Variants in KIAA1549L observed in about 807,000 individuals in gnomAD.
KIAA1549L encodes KIAA1549 like.
KIAA1549L carries 88 observed loss-of-function variants against 160.7 expected under a neutral mutation model. The ratio of observed to expected loss-of-function variants is 0.55; its 90% CI spans 0.46 to 0.65. The LOEUF is 0.65. Ranked by LOEUF, KIAA1549L falls within the 30% of genes least tolerant of loss-of-function variation. The probability of loss-of-function intolerance (pLI) is 0.00; values close to 1 mark genes in which losing one functional copy is unlikely to be tolerated. For missense variants in KIAA1549L, 2,258 were observed against 2,437.5 expected (o/e 0.93, Z 1.55); for synonymous variants, 950 against 976.7 (o/e 0.97, Z 0.51).
intron 1 of KIAA1549L, among the ~76,000 whole-genome samples, chr11:33,422,529 C>T (rs1851035898): frequency 8.7e-6 from 1 of 114,756 alleles, no homozygotes; most frequent in Admixed American, 8.9e-5. Context: ...CCTCCCTTCC[C>T]CCTTTCCCCC....
intron 1 of KIAA1549L, among the ~76,000 whole-genome samples, chr11:33,418,970 G>A (rs568970876): frequency 2.0e-5 from 3 of 151,422 alleles, no homozygotes; most frequent in African/African-American, 7.3e-5. Context: ...TGTGATCTTG[G>A]CTCACTGCAA....
chr11:33,453,348 A>G (rs745635476), intron 1 of KIAA1549L, among the ~76,000 whole-genome samples: 3 of 152,220 alleles, frequency 2.0e-5, no homozygotes, highest in Non-Finnish European at 4.4e-5. Flanking sequence ...GAGGGTAATA[A>G]TTAGCAAAGT....
intron 1 of KIAA1549L, among the ~76,000 whole-genome samples, chr11:33,395,534 G>A (rs982750765): frequency 6.6e-6 from 1 of 151,934 alleles, no homozygotes; most frequent in Non-Finnish European, 1.5e-5. Flanking sequence ...TGAAAAGAAG[G>A]CTATTTCTTT....
intron 16 of KIAA1549L, among the ~76,000 whole-genome samples, chr11:33,621,419 G>A (rs1850955321): frequency 6.6e-6 from 1 of 152,182 alleles, no homozygotes; most frequent in African/African-American, 2.4e-5. Context: ...TAATATTCTA[G>A]AAGGACACAT....
At chr11:33,504,538 G>A (rs1590294660) in intron 1 of KIAA1549L, among the ~76,000 whole-genome samples, 1 of 151,892 alleles carries the variant, frequency 6.6e-6, no homozygotes, top group East Asian at 1.9e-4. Flanking sequence ...GGTGATCTTG[G>A]CTCATTGCAA....
chr11:33,553,508 T>C (rs1292580822), intron 6 of KIAA1549L, among the ~76,000 whole-genome samples: 1 of 152,220 alleles, frequency 6.6e-6, no homozygotes, highest in East Asian at 1.9e-4. Context: ...CAATATGATG[T>C]AGAAAGCATA....
intron 1 of KIAA1549L, among the ~76,000 whole-genome samples, chr11:33,435,818 G>GTGTGTGTGTGTGTGTGTGTGTGTGTATA (rs1554976830): frequency 1.8e-4 from 8 of 45,314 alleles, no homozygotes; most frequent in African/African-American, 6.8e-4. Flanking sequence ...ATATGTGTGT[G>GTGTGTGTGTGTGTGTGTGTGTGTGTATA]TATATATATA....
intron 1 of KIAA1549L, among the ~76,000 whole-genome samples, chr11:33,422,670 C>T (rs1374884449): frequency 6.6e-6 from 1 of 150,676 alleles, no homozygotes; most frequent in Non-Finnish European, 1.5e-5. Context: ...ATATTTTGAT[C>T]AACTGTAAGA....
chr11:33,544,061 A>G lies in KIAA1549L; in HGVS notation c.2498A>G (p.Gln833Arg), dbSNP rs1468111374. 7.4e-6 allele frequency: 12 copies of G among 1,613,822 alleles called. No individual in the cohort carries two copies. The highest frequency in any genetic ancestry group is 1.0e-5 in the Non-Finnish European group (12 of 1,179,868). The change falls in exon 2 of 21, where the codon CAG becomes CGG. Residue 833 changes from glutamine (Q) to arginine (R), a missense_variant. Transcript: ENST00000658780. The stretch of plus-strand genomic sequence containing the variant: ...ACTCGACATTCCGTGTCTCATCCTC[A>G]GCTACAGTTGCCCAACCAGCCAGCA... ...PTTRHSVSHP[Q>R]LQLPNQPAHP...
intron 1 of KIAA1549L, among the ~76,000 whole-genome samples, chr11:33,471,235 A>C (rs1277715953): frequency 2.1e-5 from 3 of 145,760 alleles, no homozygotes. Context: ...TTTTTTTTTC[A>C]ACATTCTCAG....
intron 1 of KIAA1549L, among the ~76,000 whole-genome samples, chr11:33,479,090 A>AT (rs55816135): frequency 1 from 152,299 of 152,310 alleles, 76,144 homozygotes; most frequent in Middle Eastern, 1. Context: ...ATCTTCAGAT[A>AT]TTTTTTCACC....
intron 10 of KIAA1549L, among the ~76,000 whole-genome samples, chr11:33,582,079 C>T (rs1018460700): frequency 2.0e-5 from 3 of 152,142 alleles, no homozygotes; most frequent in Non-Finnish European, 4.4e-5. Context: ...AGAATACTCA[C>T]ATATAAATAC....
At chr11:33,523,078 AAGAG>A (rs1380433957) in intron 1 of KIAA1549L, among the ~76,000 whole-genome samples, 1 of 152,192 alleles carries the variant, frequency 6.6e-6, no homozygotes, top group Non-Finnish European at 1.5e-5. Context: ...TGGAATGACA[AAGAG>A]TGTGTTTTCT....
At chr11:33,505,693 C>G (rs1266387592) in intron 1 of KIAA1549L, among the ~76,000 whole-genome samples, 1 of 152,114 alleles carries the variant, frequency 6.6e-6, no homozygotes, top group East Asian at 1.9e-4. Context: ...TCTGTGCTCT[C>G]TGGGAGGTTA....
chr11:33,549,863 G>C (rs755589369), intron 4 of KIAA1549L, among the ~76,000 whole-genome samples: 11 of 152,188 alleles, frequency 7.2e-5, no homozygotes, highest in Middle Eastern at 3.4e-3. Flanking sequence ...AAGTTAGCCA[G>C]GTATGGTGGC....
At chr11:33,501,613 C>T (rs1012206485) in intron 1 of KIAA1549L, among the ~76,000 whole-genome samples, 4 of 152,004 alleles carry the variant, frequency 2.6e-5, no homozygotes, top group Non-Finnish European at 5.9e-5. Flanking sequence ...CTTTGAGATA[C>T]TTAGTACTAT....
intron 1 of KIAA1549L, among the ~76,000 whole-genome samples, chr11:33,380,154 C>G (rs1458868560): frequency 6.6e-6 from 1 of 152,178 alleles, no homozygotes; most frequent in Non-Finnish European, 1.5e-5. Flanking sequence ...TGGGGCTTCC[C>G]CAGGCCCTCC....
intron 18 of KIAA1549L, among the ~76,000 whole-genome samples, chr11:33,657,329 C>T (rs1427600825): frequency 6.6e-6 from 1 of 152,142 alleles, no homozygotes; most frequent in Non-Finnish European, 1.5e-5. Flanking sequence ...TTTCTTATTT[C>T]TTCTTTCAAC....
intron 6 of KIAA1549L, among the ~76,000 whole-genome samples, chr11:33,559,008 A>G (rs937721611): frequency 1.3e-5 from 2 of 149,312 alleles, no homozygotes; most frequent in Admixed American, 1.3e-4. Flanking sequence ...TAATTTTTGT[A>G]TTTTTTTTTA....
Sources: gnomAD v4.1 joint callset for allele counts (sites outside exome capture counted in the v4.1 genomes callset) on GRCh38, gnomAD v4.1.1 for gene constraint, MANE v1.5 for transcripts, NCBI Gene and HGNC (gene_info 2026-07-23, HGNC 2026-07-21) for gene names.